The following RALGAPA2 variants were observed in gnomAD, a reference collection of about 807,000 sequenced individuals.
RALGAPA2 encodes the protein Ral GTPase activating protein catalytic subunit alpha 2, also known as ral GTPase-activating protein subunit alpha-2.
Under a neutral mutation model 230.4 loss-of-function variants are expected in RALGAPA2, and 139 were observed. The observed-to-expected ratio is 0.60, with a 90% CI of 0.53 to 0.69. The LOEUF is 0.69. Ranked by LOEUF, RALGAPA2 falls within the 30% of genes least tolerant of loss-of-function variation. RALGAPA2 has a pLI of 0.00. For synonymous variants in RALGAPA2, 847 were observed against 837.8 expected (o/e 1.01, Z -0.19); for missense variants, 2,163 against 2,276.0 (o/e 0.95, Z 1.01).
Position 20,391,859 on chromosome 20 carries a change from T to C in RALGAPA2, c.*1430A>G, listed in dbSNP as rs1360721323. On this transcript the variant is annotated 3_prime_UTR_variant, in exon 40 of 40. Coordinates refer to ENST00000202677, the MANE Select transcript of RALGAPA2 (RefSeq NM_020343.4). ...CAGCCCACCCATCATAAGCCCTGAG[T>C]TAGGGGCTGCGTCTCTCGTGCTGCT... is the stretch of plus-strand genomic sequence containing the variant. 6.6e-6 allele frequency: 1 copy of C among 152,598 alleles called. No individual in the cohort carries two copies. The highest frequency in any genetic ancestry group is 1.5e-5 in the Non-Finnish European group (1 of 68,344). The allele number at this position is 152,598 out of a possible 1,614,324, so 9.5% of individuals were successfully genotyped here.
At chr20:20,558,960 T>C (rs1336012183) in intron 23 of RALGAPA2, among the ~76,000 whole-genome samples, 1 of 152,154 alleles carries the variant, frequency 6.6e-6, no homozygotes, top group East Asian at 1.9e-4. Flanking sequence ...GTACTGACTT[T>C]TGCCAGGATG....
intron 4 of RALGAPA2, among the ~76,000 whole-genome samples, chr20:20,653,108 A>G (rs1430651805): frequency 6.6e-6 from 1 of 150,668 alleles, no homozygotes; most frequent in East Asian, 2.0e-4. Flanking sequence ...AGGCAGGAGA[A>G]TCACTTGAAC....
chr20:20,620,093 T>C (rs1052172610), intron 11 of RALGAPA2, among the ~76,000 whole-genome samples: 1 of 152,206 alleles, frequency 6.6e-6, no homozygotes, highest in Admixed American at 6.5e-5. Context: ...CCAAACATTC[T>C]CAATTTAGTT....
At chr20:20,551,703 A>G (rs959750421) in intron 23 of RALGAPA2, among the ~76,000 whole-genome samples, 1 of 150,026 alleles carries the variant, frequency 6.7e-6, no homozygotes, top group African/African-American at 2.5e-5. Flanking sequence ...CAGTAACTGG[A>G]AAAACCATAA....
In RALGAPA2 at chr20:20,491,206, C is replaced by T. The variant is rs543935634; in HGVS notation, c.5367+3911G>A. Reference sequence around the variant, plus strand: ...CATCTCCTGTCTTACTACTTCCCCTCCTACGCTTTTCACAAATCACTGAAT... The same window carrying T: ...CATCTCCTGTCTTACTACTTCCCCTTCTACGCTTTTCACAAATCACTGAAT... On this transcript the variant is annotated intron_variant, in intron 36 of 39. Coordinates refer to ENST00000202677, the MANE Select transcript of RALGAPA2 (RefSeq NM_020343.4). Among the ~76,000 whole-genome samples the T allele has an allele frequency of 2.0e-5, 3 of 152,290 alleles. No homozygotes were observed. In the South Asian group the frequency reaches 6.2e-4, roughly 32 times the overall value.
intron 37 of RALGAPA2, among the ~76,000 whole-genome samples, chr20:20,416,610 G>A (rs17661437): frequency 0.023 from 3,450 of 152,288 alleles, 55 homozygotes; most frequent in Non-Finnish European, 0.035. Context: ...AACCCGCAAC[G>A]TAAACCTGAG....
intron 1 of RALGAPA2, among the ~76,000 whole-genome samples, chr20:20,692,192 T>C (rs970503227): frequency 2.6e-5 from 4 of 152,190 alleles, no homozygotes; most frequent in African/African-American, 4.8e-5. Context: ...ACTACGACCA[T>C]AGGAAATGAA....
At chr20:20,616,369 C>T (rs930648597) in intron 12 of RALGAPA2, among the ~76,000 whole-genome samples, 178 bp from the exon 13 acceptor site, 5 of 151,968 alleles carry the variant, frequency 3.3e-5, no homozygotes, top group Non-Finnish European at 5.9e-5. Flanking sequence ...TTTTGGTTCA[C>T]CTTTTAGAAT....
intron 36 of RALGAPA2, among the ~76,000 whole-genome samples, chr20:20,484,429 G>A (rs1426031301): frequency 6.6e-6 from 1 of 152,110 alleles, no homozygotes; most frequent in Non-Finnish European, 1.5e-5. Flanking sequence ...TCTGAGGAGA[G>A]GCTGCTCAGG....
At chr20:20,406,548 TGTGCTGAGG>T (rs2059950544) in intron 38 of RALGAPA2, among the ~76,000 whole-genome samples, 1 of 152,198 alleles carries the variant, frequency 6.6e-6, no homozygotes, top group Non-Finnish European at 1.5e-5. Context: ...TACAGCCAAG[TGTGCTGAGG>T]GTGCTGAGTG....
chr20:20,611,161 G>A (rs1436534377), intron 14 of RALGAPA2, among the ~76,000 whole-genome samples, 154 bp downstream of exon 14: 1 of 152,158 alleles, frequency 6.6e-6, no homozygotes, highest in East Asian at 1.9e-4. Flanking sequence ...TAATTGTAAA[G>A]AACAGATCAT....
At chr20:20,697,829 T>C (rs189847650) in intron 1 of RALGAPA2, among the ~76,000 whole-genome samples, 15 of 152,184 alleles carry the variant, frequency 9.9e-5, no homozygotes, top group Non-Finnish European at 1.9e-4. Flanking sequence ...GTAGAGACAA[T>C]TTTCCACCAA....
At chr20:20,490,901 C>T (rs952126698) in intron 36 of RALGAPA2, among the ~76,000 whole-genome samples, 54 of 151,976 alleles carry the variant, frequency 3.6e-4, no homozygotes, top group African/African-American at 1.3e-3. Context: ...CACACTCACA[C>T]TCACTCACTC....
chr20:20,394,878 T>G (rs147758976), intron 39 of RALGAPA2, among the ~76,000 whole-genome samples: 748 of 12,476 alleles, frequency 0.06, 14 homozygotes, highest in African/African-American at 0.14. Flanking sequence ...AGATTGATTC[T>G]AATAAATAAG....
At chr20:20,414,836 A>T (rs1017448361) in intron 37 of RALGAPA2, among the ~76,000 whole-genome samples, 9 of 151,846 alleles carry the variant, frequency 5.9e-5, no homozygotes, top group African/African-American at 2.2e-4. Flanking sequence ...CACAGCCCAC[A>T]CTCTCCCGCC....
chr20:20,685,956 C>G (rs1216225416), intron 1 of RALGAPA2, among the ~76,000 whole-genome samples: 1 of 152,182 alleles, frequency 6.6e-6, no homozygotes, highest in Non-Finnish European at 1.5e-5. Flanking sequence ...AAACGGCAGA[C>G]AGCCTGGCAG....
chr20:20,432,178 T>G (rs1269181681), intron 37 of RALGAPA2, among the ~76,000 whole-genome samples: 1 of 152,170 alleles, frequency 6.6e-6, no homozygotes, highest in African/African-American at 2.4e-5. Context: ...TATGTTTATT[T>G]TCCCTTGATG....
In RALGAPA2 at chr20:20,463,806, T is replaced by G. The variant is rs183006505; in HGVS notation, c.5495+9023A>C. On this transcript the variant is annotated intron_variant, in intron 37 of 39. Transcript: ENST00000202677. Reference sequence around the variant, plus strand: ...TGAATACTCAGACATTAATAAATGTTAAATGCTTAGCAATCCTAGCAGCAC... The same window carrying G: ...TGAATACTCAGACATTAATAAATGTGAAATGCTTAGCAATCCTAGCAGCAC... 3.3e-5 allele frequency among the ~76,000 whole-genome samples: 5 copies of G among 152,384 alleles called. No homozygotes were observed. The East Asian group carries it at 9.6e-4, about 29-fold the overall frequency.
At chr20:20,635,365 A>C (rs1376122844) in intron 9 of RALGAPA2, 53 bp downstream of exon 9, 2 of 1,492,270 alleles carry the variant, frequency 1.3e-6, no homozygotes, top group East Asian at 2.3e-5. Flanking sequence ...GCTATGTTCC[A>C]GTGTATTTTA....
Sources: allele counts gnomAD v4.1 joint callset (sites outside exome capture counted in the v4.1 genomes callset), GRCh38; gene constraint gnomAD v4.1.1; transcripts MANE v1.5; gene names NCBI Gene and HGNC (gene_info 2026-07-23, HGNC 2026-07-21).